The following INAVA variants were observed in gnomAD, a reference collection of about 807,000 sequenced individuals.
INAVA encodes innate immunity activator.
INAVA carries 32 observed loss-of-function variants against 55.3 expected under a neutral mutation model. The observed-to-expected ratio is 0.58, with a 90% CI of 0.44 to 0.78. The LOEUF is 0.78. Among genes scored for constraint, INAVA ranks in the 30% least tolerant of loss-of-function variants. The probability of loss-of-function intolerance (pLI) is 0.00; values close to 1 mark genes in which losing one functional copy is unlikely to be tolerated. For synonymous variants in INAVA, 294 were observed against 329.4 expected, an observed-to-expected ratio of 0.89 and a Z score of 1.16; for missense variants, 756 against 786.4, an observed-to-expected ratio of 0.96 and a Z score of 0.46.
At chr1:200,903,659 C>T (rs1372767512) in intron 5 of INAVA, among the ~76,000 whole-genome samples, 1 of 151,708 alleles carries the variant, frequency 6.6e-6, no homozygotes, top group Non-Finnish European at 1.5e-5. Context: ...ACAAAATTAG[C>T]CAGGCATGGT....
chr1:200,906,143 A>G (rs1303838506), intron 5 of INAVA: 1 of 152,250 alleles, frequency 6.6e-6, no homozygotes, highest in Non-Finnish European at 1.5e-5. Flanking sequence ...AGCAATTATT[A>G]CTTTTTCCTC....
rs1389156761 is a variant in INAVA, at chr1:200,913,876, A to G, written c.*247A>G. On this transcript the variant is annotated 3_prime_UTR_variant, in exon 10 of 10. Coordinates refer to ENST00000413687, the MANE Select transcript of INAVA (RefSeq NM_001142569.3). ...TATCCCCCAGAGTTTGGCCTACTGG[A>G]CTTAAGGCCTTGCCTGTCTGACTGA... is the stretch of plus-strand genomic sequence containing the variant. 1 of 480,808 alleles carries G rather than the reference A, an allele frequency of 2.1e-6. No homozygotes were observed. Among genetic ancestry groups the G allele is most frequent in the Non-Finnish European group, 3.7e-6 (1 of 270,260 alleles). The allele number at this position is 480,808 out of a possible 1,614,324, so 29.8% of individuals were successfully genotyped here.
In INAVA at chr1:200,913,773, C is replaced by T. The variant is rs547816373; in HGVS notation, c.*144C>T. On this transcript the variant is annotated 3_prime_UTR_variant, in exon 10 of 10. Transcript: ENST00000413687. ...GACCTTTTATTATTTTTTTTTTACA[C>T]GACTTTTTTCAGAAGCCCTGACCTA... The T allele has an allele frequency of 6.0e-5, 37 of 617,302 alleles. No individual in the cohort carries two copies. Among genetic ancestry groups the T allele is most frequent in the East Asian group, 3.3e-4 (12 of 36,384 alleles). The allele number at this position is 617,302 out of a possible 1,614,324, so 38.2% of individuals were successfully genotyped here. A position where few individuals can be genotyped will look rare whatever the true frequency, so the allele number is the denominator to read the frequency against.
At chr1:200,903,312 C>A (rs910487328) in intron 5 of INAVA, among the ~76,000 whole-genome samples, 1 of 151,988 alleles carries the variant, frequency 6.6e-6, no homozygotes, top group Non-Finnish European at 1.5e-5. Flanking sequence ...AGTGAAACCC[C>A]ATCTCTACTA....
At chr1:200,903,807 A>C (rs1653371227) in intron 5 of INAVA, among the ~76,000 whole-genome samples, 1 of 151,100 alleles carries the variant, frequency 6.6e-6, no homozygotes, top group Non-Finnish European at 1.5e-5. Flanking sequence ...CTGTCTCAAA[A>C]AAAAAAAAAA....
intron 5 of INAVA, among the ~76,000 whole-genome samples, chr1:200,903,803 CA>C (rs35993705): frequency 0.01 from 919 of 89,906 alleles, 7 homozygotes; most frequent in African/African-American, 0.032. Context: ...AACTCTGTCT[CA>C]AAAAAAAAAA....
intron 6 of INAVA, among the ~76,000 whole-genome samples, chr1:200,908,326 A>G (rs1653576646): frequency 6.6e-6 from 1 of 152,226 alleles, no homozygotes. Flanking sequence ...GTCAAGGTGG[A>G]TCGAGAAGCT....
chr1:200,904,697 A>C (rs2102309398), intron 5 of INAVA, among the ~76,000 whole-genome samples: 1 of 150,398 alleles, frequency 6.6e-6, no homozygotes, highest in South Asian at 2.1e-4. Flanking sequence ...TTGCTGAGAT[A>C]GTGAGCAGCT....
rs1206352128 is a variant in INAVA, at chr1:200,908,845, A to G, written c.690A>G (p.Glu230=). 1.9e-6 allele frequency: 3 copies of G among 1,613,866 alleles called. No homozygotes were observed. The highest frequency in any genetic ancestry group is 2.5e-6 in the Non-Finnish European group (3 of 1,179,952). The change falls in exon 7 of 10, where the codon GAA becomes GAG. Residue 230 remains glutamate, a synonymous_variant. Coordinates refer to ENST00000413687, the MANE Select transcript of INAVA (RefSeq NM_001142569.3). ...QPTGPEAGSP[E]RAPVQNSPWK... ...CAGGACCTGAGGCTGGGAGCCCAGA[A>G]CGGGCTCCAGTCCAGAACAGCCCCT...
At chr1:200,894,686 G>T, upstream of INAVA, 3 of 626,028 alleles carry the variant, frequency 4.8e-6, no homozygotes, top group Non-Finnish European at 6.0e-6. Flanking sequence ...AGGGTCTCTT[G>T]AGGCCATGAA....
intron 5 of INAVA, among the ~76,000 whole-genome samples, chr1:200,901,496 C>T (rs944759558): frequency 4.6e-5 from 7 of 152,352 alleles, no homozygotes; most frequent in African/African-American, 1.4e-4. Flanking sequence ...AGGCTGGCCC[C>T]GCTGCCCTCC....
chr1:200,895,927 T>TC (rs2102299556), intron 1 of INAVA, among the ~76,000 whole-genome samples: 1 of 152,242 alleles, frequency 6.6e-6, no homozygotes, highest in African/African-American at 2.4e-5. Flanking sequence ...CTGACGCTGT[T>TC]CTCTTTGCTC....
intron 8 of INAVA, 108 bp downstream of exon 8, chr1:200,909,505 G>A (rs1653630325): frequency 4.9e-6 from 5 of 1,025,168 alleles, no homozygotes; most frequent in East Asian, 3.1e-5. Context: ...CACATGGCTA[G>A]TGCCTTGACT....
upstream of INAVA, chr1:200,891,733 G>T (rs1259147174): frequency 2.1e-6 from 3 of 1,409,348 alleles, no homozygotes; most frequent in Admixed American, 3.1e-5. Context: ...CACCCAGTGC[G>T]GGTGAACTGG....
upstream of INAVA, among the ~76,000 whole-genome samples, chr1:200,892,762 T>G (rs370557805): frequency 4.6e-5 from 7 of 152,280 alleles, no homozygotes; most frequent in African/African-American, 1.7e-4. Flanking sequence ...ATCAGAGAGC[T>G]CCAAGGATGG....
At chr1:200,897,790 C>A (rs891882217) in intron 1 of INAVA, among the ~76,000 whole-genome samples, 8 of 152,044 alleles carry the variant, frequency 5.3e-5, no homozygotes, top group Admixed American at 5.2e-4. Flanking sequence ...CCACTATGCC[C>A]AGCTAAGTTT....
At chr1:200,895,910 T>C (rs530812416) in intron 1 of INAVA, among the ~76,000 whole-genome samples, 2 of 152,272 alleles carry the variant, frequency 1.3e-5, no homozygotes, top group Non-Finnish European at 2.9e-5. Flanking sequence ...CCAGGGGCTC[T>C]GGGCATCTGA....
upstream of INAVA, among the ~76,000 whole-genome samples, chr1:200,891,902 C>T (rs563828092): frequency 6.6e-6 from 1 of 152,286 alleles, no homozygotes; most frequent in South Asian, 2.1e-4. Flanking sequence ...TTCTTCGTGC[C>T]TGTGGATCTT....
At position 200,909,205 on chromosome 1, in the gene INAVA, G is replaced by T; in HGVS notation, c.786-19G>T. ...ATGGAGGCATTCCTGCCACTGACCT[G>T]TCTCTAATCCTTTTGCAGCAGCCCA... On this transcript the variant is annotated intron_variant, in intron 7 of 9. Coordinates refer to ENST00000413687, the MANE Select transcript of INAVA (RefSeq NM_001142569.3). 6.7e-7 allele frequency: 1 copy of T among 1,494,992 alleles called. No individual in the cohort carries two copies. The highest frequency in any genetic ancestry group is 1.8e-4 in the Middle Eastern group (1 of 5,544). The allele number at this position is 1,494,992 out of a possible 1,614,324, so 92.6% of individuals were successfully genotyped here.
Sources: gnomAD v4.1 joint callset for allele counts (sites outside exome capture counted in the v4.1 genomes callset) on GRCh38, gnomAD v4.1.1 for gene constraint, MANE v1.5 for transcripts, NCBI Gene and HGNC (gene_info 2026-07-23, HGNC 2026-07-21) for gene names.